Variants in MAP7 observed in about 807,000 individuals in gnomAD.
MAP7 encodes ensconsin.
In MAP7, 52 loss-of-function variants were observed where a neutral mutation model predicts 94.8. The observed-to-expected ratio is 0.55, with a 90% CI of 0.44 to 0.69. The LOEUF is 0.69. Among genes scored for constraint, MAP7 ranks in the 30% least tolerant of loss-of-function variants. The pLI is 0.00. For missense variants in MAP7, 940 were observed against 964.6 expected (o/e 0.97, Z 0.34); for synonymous variants, 350 against 357.0 (o/e 0.98, Z 0.22).
chr6:136,378,412 G>T (rs1001851617), intron 6 of MAP7, among the ~76,000 whole-genome samples: 1 of 152,150 alleles, frequency 6.6e-6, no homozygotes, highest in Non-Finnish European at 1.5e-5. Context: ...TATGTGTGTG[G>T]GAATTAGATA....
chr6:136,362,854 T>C, intron 10 of MAP7, 152 bp from the exon 11 acceptor site: 1 of 1,305,598 alleles, frequency 7.7e-7, no homozygotes, highest in African/African-American at 1.5e-5. Context: ...TTTCACTATG[T>C]TCTATCTGTA....
At chr6:136,428,523 G>GAATAAATAAATAAATAAATA (rs373164215) in intron 1 of MAP7, among the ~76,000 whole-genome samples, 40 of 151,610 alleles carry the variant, frequency 2.6e-4, no homozygotes, top group African/African-American at 9.0e-4. Flanking sequence ...CTGTCTCAAA[G>GAATAAATAAATAAATAAATA]AATAAATAAA....
intron 1 of MAP7, among the ~76,000 whole-genome samples, chr6:136,463,039 C>T (rs1805784218): frequency 6.6e-6 from 1 of 151,350 alleles, no homozygotes; most frequent in Non-Finnish European, 1.5e-5. Context: ...TATCATAAGG[C>T]TCAGAAAAGT....
At chr6:136,497,547 C>A (rs1818632462) in intron 1 of MAP7, among the ~76,000 whole-genome samples, 1 of 150,938 alleles carries the variant, frequency 6.6e-6, no homozygotes, top group South Asian at 2.1e-4. Context: ...AAATGCAGAT[C>A]CCAGCACTTT....
At chr6:136,442,254 A>C (rs983153462) in intron 1 of MAP7, among the ~76,000 whole-genome samples, 2 of 151,214 alleles carry the variant, frequency 1.3e-5, no homozygotes, top group African/African-American at 4.9e-5. Context: ...AATACAAAAA[A>C]ATTAGCCGGA....
At chr6:136,434,385 T>TATTAAGTA (rs1386423173) in intron 1 of MAP7, among the ~76,000 whole-genome samples, 4 of 151,556 alleles carry the variant, frequency 2.6e-5, no homozygotes, top group Non-Finnish European at 5.9e-5. Context: ...TAATTGAATC[T>TATTAAGTA]ATTAAGTAAT....
intron 3 of MAP7, among the ~76,000 whole-genome samples, chr6:136,408,023 C>T (rs1006340010): frequency 1.3e-5 from 2 of 151,930 alleles, no homozygotes; most frequent in Admixed American, 1.3e-4. Context: ...TACTGCCTTC[C>T]GAGTAGCTGG....
intron 2 of MAP7, among the ~76,000 whole-genome samples, chr6:136,420,726 C>G (rs1582862846): frequency 6.6e-6 from 1 of 152,098 alleles, no homozygotes; most frequent in African/African-American, 2.4e-5. Context: ...CTAATGGCAG[C>G]TTAAGCAGTA....
At chr6:136,380,411 TG>T (rs1777432917) in intron 6 of MAP7, among the ~76,000 whole-genome samples, 1 of 152,222 alleles carries the variant, frequency 6.6e-6, no homozygotes, top group African/African-American at 2.4e-5. Context: ...TTTTAAGTGT[TG>T]GCAATTAATT....
At chr6:136,372,322 A>C (rs1774775659) in intron 8 of MAP7, among the ~76,000 whole-genome samples, 179 bp downstream of exon 8, 1 of 152,222 alleles carries the variant, frequency 6.6e-6, no homozygotes. Flanking sequence ...CCAAGTGAAG[A>C]GGAAGTGAGG....
chr6:136,390,563 G>A (rs1293171472), intron 3 of MAP7, among the ~76,000 whole-genome samples: 1 of 152,156 alleles, frequency 6.6e-6, no homozygotes, highest in Non-Finnish European at 1.5e-5. Context: ...TGAGGTGCAA[G>A]AATCACTTGA....
rs1316886389 is a variant in MAP7, at chr6:136,389,435, C to T, written c.327G>A (p.Arg109=). Residue 109 remains arginine (R), a synonymous_variant, in exon 4 of 18, where the codon AGG becomes AGA. Coordinates refer to ENST00000354570, the MANE Select transcript of MAP7 (RefSeq NM_003980.6). ...YEKHLEERKK[R]LEEQRQKEER... ...CCTCCTTCTGCCTCTGCTCCTCCAA[C>T]CTCTTCTTCCGCTCTTCCAGGTGCT... is the stretch of plus-strand genomic sequence containing the variant. 3 of 1,603,046 alleles carry T rather than the reference C, an allele frequency of 1.9e-6. No homozygotes were observed. The highest frequency in any genetic ancestry group is 2.6e-6 in the Non-Finnish European group (3 of 1,176,056).
At chr6:136,402,373 G>C (rs1784333942) in intron 3 of MAP7, among the ~76,000 whole-genome samples, 1 of 152,200 alleles carries the variant, frequency 6.6e-6, no homozygotes, top group Admixed American at 6.5e-5. Flanking sequence ...ACTGGGCTTT[G>C]GTGACAACTC....
At chr6:136,538,995 A>G (rs1483808149) in intron 1 of MAP7, among the ~76,000 whole-genome samples, 1 of 152,130 alleles carries the variant, frequency 6.6e-6, no homozygotes, top group Non-Finnish European at 1.5e-5. Flanking sequence ...TCACACAGCT[A>G]CAATGAGGCC....
intron 15 of MAP7, among the ~76,000 whole-genome samples, chr6:136,357,396 A>T (rs71576393): frequency 6.6e-6 from 1 of 152,144 alleles, no homozygotes; most frequent in African/African-American, 2.4e-5. Context: ...TTACTTATAA[A>T]CCTTTATATA....
intron 1 of MAP7, among the ~76,000 whole-genome samples, chr6:136,546,767 C>T (rs1027060105): frequency 6.6e-5 from 10 of 152,188 alleles, no homozygotes; most frequent in Non-Finnish European, 1.5e-4. Flanking sequence ...ATTCTTACAT[C>T]AATACGAGGC....
chr6:136,414,961 T>G (rs1023238781), intron 2 of MAP7, among the ~76,000 whole-genome samples: 4 of 152,216 alleles, frequency 2.6e-5, no homozygotes, highest in Non-Finnish European at 2.9e-5. Context: ...ATGACAGGCA[T>G]GCGCCACCAG....
intron 1 of MAP7, among the ~76,000 whole-genome samples, chr6:136,488,264 T>G (rs1291639487): frequency 6.6e-6 from 1 of 152,192 alleles, no homozygotes; most frequent in East Asian, 1.9e-4. Context: ...AAGCTTTTTT[T>G]GGGTATCAAC....
At chr6:136,388,361 A>G in intron 5 of MAP7, 32 bp downstream of exon 5, 3 of 1,494,778 alleles carry the variant, frequency 2.0e-6, no homozygotes, top group Non-Finnish European at 2.8e-6. Flanking sequence ...TCAGGAAAAT[A>G]AAGACTAATT....
Sources: gnomAD v4.1 joint callset for allele counts (sites outside exome capture counted in the v4.1 genomes callset) on GRCh38, gnomAD v4.1.1 for gene constraint, MANE v1.5 for transcripts, NCBI Gene and HGNC (gene_info 2026-07-23, HGNC 2026-07-21) for gene names.